The following IVD variants were observed in gnomAD, a reference collection of about 807,000 sequenced individuals.
IVD encodes the protein isovaleryl-CoA dehydrogenase.
IVD carries 31 observed loss-of-function variants against 51.3 expected under a neutral mutation model. The ratio of observed to expected loss-of-function variants is 0.60; its 90% CI spans 0.45 to 0.81. IVD has a LOEUF of 0.81. Among genes scored for constraint, IVD ranks in the 40% least tolerant of loss-of-function variants. The probability of loss-of-function intolerance (pLI) is 0.00; values close to 1 mark genes in which losing one functional copy is unlikely to be tolerated. For synonymous variants in IVD, 205 were observed against 219.4 expected (o/e 0.93, Z 0.58); for missense variants, 475 against 552.0 (o/e 0.86, Z 1.40).
chr15:40,435,474 C>G, exon 9 of IVD: 1 of 1,250,968 alleles, frequency 8.0e-7, no homozygotes, highest in Non-Finnish European at 1.0e-6. Flanking sequence ...CGAGGTCAGA[C>G]GTCCCTGGAG....
At chr15:40,428,851 G>A (rs1400345306), downstream of IVD, among the ~76,000 whole-genome samples, 4 of 152,128 alleles carry the variant, frequency 2.6e-5, no homozygotes, top group South Asian at 8.3e-4. Flanking sequence ...AAGAAGGATC[G>A]GGCAGAGAAA....
intron 6 of IVD, among the ~76,000 whole-genome samples, chr15:40,411,893 G>A (rs1301977332): frequency 2.6e-5 from 4 of 152,210 alleles, no homozygotes; most frequent in Non-Finnish European, 5.9e-5. Flanking sequence ...TTCTGAAGAC[G>A]GTGGAGCCGT....
chr15:40,418,647 CT>C lies in IVD; in HGVS notation c.*387del, dbSNP rs145781896. 6,822 of 1,151,466 alleles carry C rather than the reference CT, an allele frequency of 5.9e-3. 341 individuals are homozygous for C. The African/African-American group carries it at 0.1, about 17-fold the overall frequency. The allele number at this position is 1,151,466 out of a possible 1,614,324, so 71.3% of individuals were successfully genotyped here. ...CCTGGGGGCATGCAGGTACCCACCT[CT>C]TTCTCTTGGGTGAGGCTCTGGCAAG... is the stretch of plus-strand genomic sequence containing the variant. On this transcript the variant is annotated 3_prime_UTR_variant, in exon 12 of 12. Coordinates refer to ENST00000487418, the MANE Select transcript of IVD (RefSeq NM_002225.5).
intron 9 of IVD, among the ~76,000 whole-genome samples, chr15:40,415,742 G>T (rs932187986): frequency 6.6e-5 from 10 of 152,208 alleles, no homozygotes; most frequent in Non-Finnish European, 2.9e-5. Flanking sequence ...TGCAAGTTGT[G>T]GGGGCAGAAG....
At chr15:40,422,949 T>A (rs1359682794), downstream of IVD, among the ~76,000 whole-genome samples, 1 of 151,654 alleles carries the variant, frequency 6.6e-6, no homozygotes, top group Non-Finnish European at 1.5e-5. Flanking sequence ...TGAGACAGGA[T>A]CTCACTCTGT....
At chr15:40,435,568 T>C, downstream of IVD, 1 of 1,155,580 alleles carries the variant, frequency 8.7e-7, no homozygotes, top group Non-Finnish European at 1.1e-6. Flanking sequence ...AACTCGCCTC[T>C]TGGATCTCAG....
intron 3 of IVD, among the ~76,000 whole-genome samples, chr15:40,408,338 T>C (rs1467557373): frequency 2.0e-5 from 3 of 152,216 alleles, no homozygotes; most frequent in African/African-American, 7.2e-5. Flanking sequence ...ACCTCAGTCT[T>C]ACTGCCTCCC....
In IVD at chr15:40,407,728, G is replaced by C. The variant is rs371846168; in HGVS notation, c.234+3G>C. On this transcript the variant is annotated splice_donor_region_variant and intron_variant, in intron 2 of 11. Coordinates refer to ENST00000487418, the MANE Select transcript of IVD (RefSeq NM_002225.5). The stretch of plus-strand genomic sequence containing the variant: ...GCAATGAGTTCAAGAACCTGCGAGT[G>C]AGTTGGGAGGTCCGGGCAGTCGGGG... The C allele has an allele frequency of 1.2e-6, 2 of 1,613,654 alleles. No individual in the cohort carries two copies. The highest frequency in any genetic ancestry group is 1.7e-6 in the Non-Finnish European group (2 of 1,179,596).
intron 4 of IVD, 83 bp downstream of exon 4, chr15:40,410,880 C>G (rs1177166520): frequency 2.7e-6 from 4 of 1,494,828 alleles, no homozygotes. Flanking sequence ...GGGGGCCAGT[C>G]AGACCTGCTT....
exon 9 of IVD, chr15:40,435,421 G>A: frequency 6.7e-6 from 8 of 1,202,888 alleles, no homozygotes; most frequent in Non-Finnish European, 8.5e-6. Flanking sequence ...CCCTAGGGCA[G>A]ACCTTTTCCG....
chr15:40,421,347 C>T (rs1595808851), downstream of IVD: 8 of 985,278 alleles, frequency 8.1e-6, no homozygotes, highest in Middle Eastern at 5.2e-4. Context: ...ACAAGGGGCA[C>T]GTCTACTTTG....
chr15:40,431,649 C>T (rs1892982316), intron 7 of IVD, among the ~76,000 whole-genome samples: 2 of 151,520 alleles, frequency 1.3e-5, no homozygotes, highest in African/African-American at 4.9e-5. Context: ...GAGCTGAGAT[C>T]ACGCCACTGC....
At chr15:40,435,450 G>A (rs562355366) in exon 9 of IVD, 14 of 1,239,812 alleles carry the variant, frequency 1.1e-5, no homozygotes, top group South Asian at 1.1e-4. Context: ...CCACCTGGGA[G>A]GGAGGGCGAG....
chr15:40,422,290 C>CT (rs1212061976), downstream of IVD, among the ~76,000 whole-genome samples: 1,073 of 146,996 alleles, frequency 7.3e-3, 14 homozygotes, highest in African/African-American at 0.024. Flanking sequence ...TCATAAAAGG[C>CT]TTTTTTTTTT....
intron 1 of IVD, among the ~76,000 whole-genome samples, chr15:40,406,989 A>G (rs1360462389): frequency 5.3e-5 from 8 of 150,220 alleles, no homozygotes; most frequent in Non-Finnish European, 5.9e-5. Context: ...TCAGCCTCCC[A>G]GGTAGCTGGG....
At position 40,407,946 on chromosome 15, in the gene IVD, G is replaced by C. The variant is rs767782379; in HGVS notation, c.242G>C (p.Trp81Ser). The C allele has an allele frequency of 5.0e-6, 8 of 1,613,944 alleles. No homozygotes were observed. Among genetic ancestry groups the C allele is most frequent in the African/African-American group, 1.3e-5 (1 of 74,920 alleles). The part of the protein sequence containing the change: ...SNEFKNLREF[W>S]KQLGNLGVLG... Reference sequence around the variant, plus strand: ...GCTCCATTCTGTTGGCAGGAATTTTGGAAGCAGCTGGGGAACCTGGGCGTA... The same window carrying C: ...GCTCCATTCTGTTGGCAGGAATTTTCGAAGCAGCTGGGGAACCTGGGCGTA... Residue 81 changes from tryptophan (W) to serine (S), a missense_variant, in exon 3 of 12, where the codon TGG (tryptophan) becomes TCG (serine). Physicochemically the swap from Trp to Ser is radical, Grantham distance 177 (BLOSUM62 -3). Transcript: ENST00000487418.
chr15:40,419,353 A>G lies in IVD; in HGVS notation c.*1090A>G, dbSNP rs1257277262. The G allele has an allele frequency of 6.6e-6, 4 of 603,324 alleles. No homozygotes were observed. The allele number at this position is 603,324 out of a possible 1,614,324, so 37.4% of individuals were successfully genotyped here. ...TGGTGAAACCCCATCTCTACTAAAA[A>G]TACAAAAATTAGCCAGGGGTGGTGG... On this transcript the variant is annotated 3_prime_UTR_variant, in exon 12 of 12. Coordinates refer to ENST00000487418, the MANE Select transcript of IVD (RefSeq NM_002225.5).
At chr15:40,413,177 G>C (rs1286210486) in intron 7 of IVD, 90 bp downstream of exon 7, 6 of 1,033,586 alleles carry the variant, frequency 5.8e-6, no homozygotes, top group Admixed American at 5.7e-5. Context: ...CTCTGGGTTA[G>C]AGAGGCTTGG....
At chr15:40,416,233 G>T (rs749725183) in intron 10 of IVD, 51 bp downstream of exon 10, 5 of 1,612,798 alleles carry the variant, frequency 3.1e-6, no homozygotes, top group Non-Finnish European at 4.2e-6. Context: ...ACCAGCTGCT[G>T]AGACTTGCTG....
Sources: gnomAD v4.1 joint callset for allele counts (sites outside exome capture counted in the v4.1 genomes callset) on GRCh38, gnomAD v4.1.1 for gene constraint, MANE v1.5 for transcripts, NCBI Gene and HGNC (gene_info 2026-07-23, HGNC 2026-07-21) for gene names.